Variants in CTNNA2 observed in about 807,000 individuals in gnomAD.
CTNNA2 encodes catenin alpha-2.
Under a neutral mutation model 101.0 loss-of-function variants are expected in CTNNA2, and 42 were observed. The ratio of observed to expected loss-of-function variants is 0.42; its 90% CI spans 0.32 to 0.54. The LOEUF (loss-of-function observed/expected upper bound fraction) is 0.54, where lower values mean the gene tolerates loss of function less well. CTNNA2 is among the 20% of genes least tolerant of loss of function. CTNNA2 has a pLI of 0.14. For synonymous variants in CTNNA2, 450 were observed against 456.4 expected, an observed-to-expected ratio of 0.99 and a Z score of 0.18; for missense variants, 871 against 1,223.1, an observed-to-expected ratio of 0.71 and a Z score of 4.29.
In CTNNA2 at chr2:80,554,774, T is replaced by G. The variant is rs573558196; in HGVS notation, c.1541-919T>G. Among the ~76,000 whole-genome samples, 6 of 152,314 alleles carry G rather than the reference T, an allele frequency of 3.9e-5. 2 individuals carry two copies. The highest frequency in any genetic ancestry group is 1.4e-4 in the African/African-American group (6 of 41,584). ...ATTAGTTGGTGTGTGTGCATGTATG[T>G]GTGTGTTCAGCTTATTTACAAAGAG... On this transcript the variant is annotated intron_variant, in intron 11 of 18. Coordinates refer to ENST00000402739, the MANE Select transcript of CTNNA2 (RefSeq NM_001282597.3).
chr2:79,916,209 G>A (rs1399505792), intron 7 of CTNNA2, among the ~76,000 whole-genome samples: 2 of 152,110 alleles, frequency 1.3e-5, no homozygotes, highest in African/African-American at 4.8e-5. Context: ...AAATGTTTGT[G>A]GGCAATCGAG....
At chr2:79,566,979 G>A (rs1001930931) in intron 1 of CTNNA2, among the ~76,000 whole-genome samples, 4 of 152,024 alleles carry the variant, frequency 2.6e-5, no homozygotes, top group Admixed American at 2.6e-4. Context: ...TGACAAGAAC[G>A]TAAATGAAAA....
intron 2 of CTNNA2, among the ~76,000 whole-genome samples, chr2:79,301,817 A>G (rs1573053740): frequency 6.6e-6 from 1 of 152,156 alleles, no homozygotes; most frequent in Admixed American, 6.5e-5. Context: ...GGCCGGGCAC[A>G]GTGGCTCACA....
chr2:80,588,598 C>T (rs1696171916), intron 14 of CTNNA2, among the ~76,000 whole-genome samples: 1 of 152,168 alleles, frequency 6.6e-6, no homozygotes, highest in Admixed American at 6.5e-5. Flanking sequence ...CATTTTCTTA[C>T]CTAGCAGTTA....
At chr2:80,554,392 T>A (rs546344044) in intron 11 of CTNNA2, among the ~76,000 whole-genome samples, 5 of 152,212 alleles carry the variant, frequency 3.3e-5, no homozygotes, top group Non-Finnish European at 5.9e-5. Context: ...AATATATTTA[T>A]CAAAAGCACA....
intron 7 of CTNNA2, among the ~76,000 whole-genome samples, chr2:79,938,420 T>C (rs1430561713): frequency 1.3e-5 from 2 of 152,254 alleles, no homozygotes; most frequent in Non-Finnish European, 2.9e-5. Context: ...TACATATGAG[T>C]AGATTCACAA....
intron 2 of CTNNA2, among the ~76,000 whole-genome samples, chr2:79,303,427 C>G (rs913789570): frequency 1.3e-5 from 2 of 152,138 alleles, no homozygotes; most frequent in Non-Finnish European, 1.5e-5. Flanking sequence ...CTATCAATTC[C>G]TGCCCTGCCC....
At chr2:79,218,330 TGTGTGTGTGTGTGTGTGTGTA>T (rs1674294226) in intron 2 of CTNNA2, among the ~76,000 whole-genome samples, 1 of 77,314 alleles carries the variant, frequency 1.3e-5, no homozygotes, top group Non-Finnish European at 2.9e-5. Context: ...TGTGTGTGTG[TGTGTGTGTGTGTGTGTGTGTA>T]TTTTTTTTTT....
intron 7 of CTNNA2, among the ~76,000 whole-genome samples, chr2:80,166,654 C>G (rs1183460631): frequency 6.6e-6 from 1 of 152,128 alleles, no homozygotes; most frequent in Non-Finnish European, 1.5e-5. Context: ...ATGGGAACCC[C>G]TGATTTATAG....
intron 7 of CTNNA2, among the ~76,000 whole-genome samples, chr2:79,985,288 C>T (rs576369842): frequency 6.6e-6 from 1 of 152,180 alleles, no homozygotes; most frequent in Non-Finnish European, 1.5e-5. Flanking sequence ...GGCACTGCCT[C>T]AACCCCAGGG....
At chr2:79,988,054 A>T (rs987901978) in intron 7 of CTNNA2, among the ~76,000 whole-genome samples, 7 of 152,194 alleles carry the variant, frequency 4.6e-5, no homozygotes, top group African/African-American at 1.4e-4. Context: ...TGAATGGCAG[A>T]CTTCCCTGGT....
chr2:79,361,740 A>G (rs1677634493), intron 3 of CTNNA2, among the ~76,000 whole-genome samples: 1 of 152,182 alleles, frequency 6.6e-6, no homozygotes, highest in Admixed American at 6.5e-5. Context: ...CCAAGTCCCA[A>G]AACTGAAGAA....
chr2:80,457,968 C>T (rs1307206997), intron 9 of CTNNA2, among the ~76,000 whole-genome samples: 1 of 152,184 alleles, frequency 6.6e-6, no homozygotes, highest in Non-Finnish European at 1.5e-5. Context: ...ATCGAACAGA[C>T]TATCCTCTAG....
At chr2:79,817,316 CTTT>C (rs550422225) in intron 3 of CTNNA2, among the ~76,000 whole-genome samples, 5,215 of 73,274 alleles carry the variant, frequency 0.071, 81 homozygotes, top group Non-Finnish European at 0.083. Flanking sequence ...TTCTCTCTCA[CTTT>C]TTTTTTTTTT....
rs1169001922 is a variant in CTNNA2 at position 80,281,433 on chromosome 2, C to A, written c.1057-111778C>A. 2.6e-5 allele frequency among the ~76,000 whole-genome samples: 4 copies of A among 152,038 alleles called. No homozygotes were observed. In the South Asian group the frequency reaches 8.3e-4, roughly 32 times the overall value. ...TAAGGGATTTAATCACTGAAACAGG[C>A]CATTAAATGCTTTTAAGAAGTTATT... On this transcript the variant is annotated intron_variant, in intron 7 of 18. Transcript: ENST00000402739.
At chr2:79,820,199 T>C (rs1348689847) in intron 3 of CTNNA2, among the ~76,000 whole-genome samples, 1 of 152,248 alleles carries the variant, frequency 6.6e-6, no homozygotes, top group East Asian at 1.9e-4. Context: ...ATATGGTTAA[T>C]CAATGGCCGT....
At chr2:79,682,660 T>C (rs1238438024) in intron 2 of CTNNA2, among the ~76,000 whole-genome samples, 1 of 152,174 alleles carries the variant, frequency 6.6e-6, no homozygotes. Context: ...AATTCAGCCT[T>C]GAACCTTCCT....
intron 7 of CTNNA2, among the ~76,000 whole-genome samples, chr2:80,065,187 A>G (rs927331478): frequency 2.0e-5 from 3 of 152,002 alleles, no homozygotes; most frequent in Non-Finnish European, 4.4e-5. Context: ...TCTGCCTTGA[A>G]TTACTTGTCA....
At chr2:79,927,548 A>G (rs1489031277) in intron 7 of CTNNA2, among the ~76,000 whole-genome samples, 1 of 152,228 alleles carries the variant, frequency 6.6e-6, no homozygotes, top group African/African-American at 2.4e-5. Context: ...AGATGGGAGA[A>G]GGAACCAAAA....
Sources: allele counts gnomAD v4.1 joint callset (sites outside exome capture counted in the v4.1 genomes callset), GRCh38; gene constraint gnomAD v4.1.1; transcripts MANE v1.5; gene names NCBI Gene and HGNC (gene_info 2026-07-23, HGNC 2026-07-21).